The following IFT46 variants were observed in gnomAD, a reference collection of about 807,000 sequenced individuals.
IFT46 encodes intraflagellar transport 46, also known as intraflagellar transport protein 46 homolog.
In IFT46, 19 loss-of-function variants were observed where a neutral mutation model predicts 39.6. The observed-to-expected ratio is 0.48, with a 90% CI of 0.33 to 0.70. The LOEUF (loss-of-function observed/expected upper bound fraction) is 0.70, where lower values mean the gene tolerates loss of function less well. IFT46 is among the 30% of genes least tolerant of loss of function. The pLI is 0.01. For missense variants in IFT46, 334 were observed against 364.8 expected, an observed-to-expected ratio of 0.92 and a Z score of 0.69; for synonymous variants, 117 against 134.8, an observed-to-expected ratio of 0.87 and a Z score of 0.91.
At chr11:118,545,674 C>T (rs945493696) in intron 10 of IFT46, 119 bp downstream of exon 10, 39 of 1,225,260 alleles carry the variant, frequency 3.2e-5, no homozygotes, top group African/African-American at 5.9e-5. Context: ...AAGAGCACAA[C>T]GGGCTTAAAG....
At chr11:118,567,935 T>C (rs1224246236), upstream of IFT46, among the ~76,000 whole-genome samples, 2 of 152,212 alleles carry the variant, frequency 1.3e-5, no homozygotes, top group Non-Finnish European at 2.9e-5. Flanking sequence ...AAGTCACTCA[T>C]AATAAGCGCT....
At chr11:118,551,545 A>G (rs1465431096) in intron 9 of IFT46, among the ~76,000 whole-genome samples, 1 of 151,170 alleles carries the variant, frequency 6.6e-6, no homozygotes, top group Non-Finnish European at 1.5e-5. Context: ...GTGGTGGTGC[A>G]TGCCTGTGGT....
At chr11:118,560,669 C>T (rs1938022528) in intron 2 of IFT46, 2 of 532,718 alleles carry the variant, frequency 3.8e-6, no homozygotes, top group Non-Finnish European at 6.9e-6. Flanking sequence ...GAGCCGCAAA[C>T]GCGGGTCTCT....
upstream of IFT46, among the ~76,000 whole-genome samples, chr11:118,568,595 A>G (rs1457890433): frequency 6.6e-6 from 1 of 152,100 alleles, no homozygotes; most frequent in Admixed American, 6.6e-5. Flanking sequence ...AAGTTACCCC[A>G]TAAATGTGTA....
In IFT46 at chr11:118,546,473, G is replaced by C. The variant is rs539252871; in HGVS notation, c.673-620C>G. 11 of 300,302 alleles carry C rather than the reference G, an allele frequency of 3.7e-5. No homozygotes were observed. The South Asian group carries it at 5.4e-4, about 15-fold the overall frequency. The allele number at this position is 300,302 out of a possible 1,614,324, so 18.6% of individuals were successfully genotyped here. A position where few individuals can be genotyped will look rare whatever the true frequency, so the allele number is the denominator to read the frequency against. On this transcript the variant is annotated intron_variant, in intron 9 of 11. Transcript: ENST00000264021. ...GCTACTGCACTCCAGCCTGGGCATA[G>C]AGTAATACCCTGTAAAAAAAAAGGA...
intron 9 of IFT46, among the ~76,000 whole-genome samples, chr11:118,547,739 CTTTTCTTTTT>C (rs1261522893): frequency 4.1e-5 from 5 of 120,780 alleles, no homozygotes; most frequent in African/African-American, 1.5e-4. Context: ...CTTTTCTTTT[CTTTTCTTTTT>C]TTTTTTTTTT....
At chr11:118,545,719 G>A (rs1555066903) in intron 10 of IFT46, 74 bp downstream of exon 10, 9 of 1,469,226 alleles carry the variant, frequency 6.1e-6, no homozygotes, top group Non-Finnish European at 7.6e-6. Context: ...TCTTCCCAGA[G>A]TAAACAAGCC....
At chr11:118,545,911 A>ACT (rs538187192) in intron 9 of IFT46, 58 bp from the exon 10 acceptor site, 13 of 1,441,106 alleles carry the variant, frequency 9.0e-6, no homozygotes, top group Admixed American at 6.7e-5. Context: ...TCCCAGAACC[A>ACT]CTCTCTCTCT....
rs1555069260 is a variant in IFT46, at chr11:118,555,265, G to C, written c.243C>G (p.Leu81=). The C allele has an allele frequency of 1.2e-6, 2 of 1,613,848 alleles. No homozygotes were observed. The highest frequency in any genetic ancestry group is 2.7e-5 in the African/African-American group (2 of 74,922). ...HLPVSAEIKE[L]FQYISRYTPQ... is the part of the protein sequence containing the mutation. Reference sequence around the variant, plus strand: ...GTACTCACCTACTGATGTACTGGAAGAGTTCCTTAATTTCAGCAGAAACTG... The same window carrying C: ...GTACTCACCTACTGATGTACTGGAACAGTTCCTTAATTTCAGCAGAAACTG... The change falls in exon 5 of 12, where the codon CTC becomes CTG. Residue 81 remains leucine, a synonymous_variant. Coordinates refer to ENST00000264021, the MANE Select transcript of IFT46 (RefSeq NM_001168618.2).
intron 2 of IFT46, among the ~76,000 whole-genome samples, chr11:118,562,973 G>A (rs1591371855): frequency 6.6e-6 from 1 of 152,024 alleles, no homozygotes; most frequent in Admixed American, 6.6e-5. Context: ...GCTGAGGCAG[G>A]AGAGTCGCTT....
Position 118,559,851 on chromosome 11 carries a change from A to T in IFT46, c.-22T>A. Reference sequence around the variant, plus strand: ...CCATAGCCTTGTTAGGAAGATGGGCAGAACGAGGAAGTCCTTAGAAAAAAA... The same window carrying T: ...CCATAGCCTTGTTAGGAAGATGGGCTGAACGAGGAAGTCCTTAGAAAAAAA... On this transcript the variant is annotated 5_prime_UTR_variant, in exon 3 of 12. Transcript: ENST00000264021. 2 of 1,603,076 alleles carry T rather than the reference A, an allele frequency of 1.2e-6. No individual in the cohort carries two copies. The highest frequency in any genetic ancestry group is 1.7e-6 in the Non-Finnish European group (2 of 1,170,962).
At chr11:118,571,967 G>T (rs1200348078) in intron 1 of IFT46, among the ~76,000 whole-genome samples, 2 of 151,738 alleles carry the variant, frequency 1.3e-5, no homozygotes, top group African/African-American at 4.8e-5. Context: ...GCGCGTGCCT[G>T]TAATCCCAGC....
At chr11:118,549,425 T>C (rs1409080942) in intron 9 of IFT46, among the ~76,000 whole-genome samples, 1 of 152,084 alleles carries the variant, frequency 6.6e-6, no homozygotes, top group Non-Finnish European at 1.5e-5. Context: ...AAATATTTTT[T>C]CTCAGACTGC....
intron 3 of IFT46, chr11:118,557,430 G>C: frequency 2.5e-6 from 1 of 398,982 alleles, no homozygotes; most frequent in Non-Finnish European, 4.5e-6. Context: ...TATGAAGTGG[G>C]AATAGAAATT....
rs1467282880 is a variant in IFT46, at chr11:118,544,772, T to A, written c.*144A>T. ...TTAAACAAACATGTTCTGTGCCCTCTGGCAGAGAGGGCAGCAGGACATGCA... is the reference window on the plus strand; with the variant it reads ...TTAAACAAACATGTTCTGTGCCCTCAGGCAGAGAGGGCAGCAGGACATGCA... On this transcript the variant is annotated 3_prime_UTR_variant, in exon 12 of 12. Transcript: ENST00000264021. 1 of 639,274 alleles carries A rather than the reference T, an allele frequency of 1.6e-6. No homozygotes were observed. Among genetic ancestry groups the A allele is most frequent in the Non-Finnish European group, 2.8e-6 (1 of 355,104 alleles). The allele number at this position is 639,274 out of a possible 1,614,324, so 39.6% of individuals were successfully genotyped here.
Position 118,554,533 on chromosome 11 carries a change from G to C in IFT46, c.409C>G (p.Pro137Ala). The stretch of plus-strand genomic sequence containing the variant: ...GTAGGGTCTGACTGCTTTGTAGAAG[G>C]TTCATCCAATACCAATAGGCCAAGG... ...DNLGLLVLDEPSTKQSDPTVL... is the reference protein window; with the variant it reads ...DNLGLLVLDEASTKQSDPTVL... Residue 137 changes from proline (P) to alanine (A), a missense_variant, in exon 7 of 12, where the codon CCT (proline) becomes GCT (alanine). Transcript: ENST00000264021. 5 of 1,613,570 alleles carry C rather than the reference G, an allele frequency of 3.1e-6. No individual in the cohort carries two copies. Among genetic ancestry groups the C allele is most frequent in the Non-Finnish European group, 4.2e-6 (5 of 1,179,796 alleles).
upstream of IFT46, among the ~76,000 whole-genome samples, chr11:118,575,974 GTT>G (rs150069695): frequency 1.3e-3 from 187 of 143,310 alleles, no homozygotes; most frequent in African/African-American, 4.3e-3. Context: ...CACTGTAGTT[GTT>G]TTTTTTTTTT....
Position 118,554,567 on chromosome 11 carries a change from C to G in IFT46, c.375G>C (p.Lys125Asn). 6.2e-7 allele frequency: 1 copy of G among 1,608,710 alleles called. No homozygotes were observed. Among genetic ancestry groups the G allele is most frequent in the Non-Finnish European group, 8.5e-7 (1 of 1,178,572 alleles). Reference protein sequence around the residue: ...AFLKVPRPDGKPDNLGLLVLD... With the variant: ...AFLKVPRPDGNPDNLGLLVLD... ...ATACCAATAGGCCAAGGTTGTCAGG[C>G]TTTCCATCAGGACGTGGGACCTGGT... Residue 125 changes from lysine (K) to asparagine (N), a missense_variant, in exon 7 of 12, where the codon AAG (lysine) becomes AAC (asparagine). Coordinates refer to ENST00000264021, the MANE Select transcript of IFT46 (RefSeq NM_001168618.2).
chr11:118,565,993 A>AC (rs1218277992), upstream of IFT46: 2 of 152,108 alleles, frequency 1.3e-5, no homozygotes, highest in African/African-American at 4.8e-5. Flanking sequence ...GTTAAGCCTC[A>AC]CCCGCGAAGG....
Sources: allele counts gnomAD v4.1 joint callset (sites outside exome capture counted in the v4.1 genomes callset), GRCh38; gene constraint gnomAD v4.1.1; transcripts MANE v1.5; gene names NCBI Gene and HGNC (gene_info 2026-07-23, HGNC 2026-07-21).